Variants in PRKAG2 observed in about 807,000 individuals in gnomAD.
The protein encoded by PRKAG2 is protein kinase AMP-activated non-catalytic subunit gamma 2, also known as 5'-AMP-activated protein kinase subunit gamma-2.
PRKAG2 carries 26 observed loss-of-function variants against 69.6 expected under a neutral mutation model. The ratio of observed to expected loss-of-function variants is 0.37; its 90% CI spans 0.27 to 0.52. PRKAG2 has a LOEUF of 0.52. Among genes scored for constraint, PRKAG2 ranks in the 20% least tolerant of loss-of-function variants. The pLI is 0.90. For synonymous variants in PRKAG2, 293 were observed against 285.0 expected (o/e 1.03, Z -0.28); for missense variants, 557 against 740.0 (o/e 0.75, Z 2.87).
chr7:151,594,513 G>C (rs1432392697), intron 6 of PRKAG2, among the ~76,000 whole-genome samples: 1 of 152,180 alleles, frequency 6.6e-6, no homozygotes, highest in Non-Finnish European at 1.5e-5. Flanking sequence ...ATACCAAAAT[G>C]TTAAGATTCA....
chr7:151,721,290 G>C (rs1481750306), intron 3 of PRKAG2, among the ~76,000 whole-genome samples: 1 of 152,148 alleles, frequency 6.6e-6, no homozygotes, highest in African/African-American at 2.4e-5. Flanking sequence ...GCCCCTTCCT[G>C]CTTCCTCTGC....
intron 1 of PRKAG2, among the ~76,000 whole-genome samples, chr7:151,856,915 A>T (rs1453177044): frequency 6.6e-6 from 1 of 152,144 alleles, no homozygotes; most frequent in Non-Finnish European, 1.5e-5. Flanking sequence ...CGGAGAGAAA[A>T]CGGAGCAGAG....
At position 151,820,551 on chromosome 7, in the gene PRKAG2, C is replaced by T. The variant is rs1438854169; in HGVS notation, c.115-34010G>A. On this transcript the variant is annotated intron_variant, in intron 1 of 15. Transcript: ENST00000287878. ...GCACACTCTACTCGGAACACCGCTC[C>T]GTGGCCTGGCCCCTGTGGCTTCTGC... is the stretch of plus-strand genomic sequence containing the variant. Among the ~76,000 whole-genome samples, 14 of 77,238 alleles carry T rather than the reference C, an allele frequency of 1.8e-4. 1 individual carries two copies. Among genetic ancestry groups the T allele is most frequent in the African/African-American group, 5.1e-4 (10 of 19,508 alleles). The allele number at this position is 77,238 out of a possible 152,430, so 50.7% of individuals were successfully genotyped here.
At chr7:151,634,953 T>C (rs1233319895) in intron 4 of PRKAG2, among the ~76,000 whole-genome samples, 4 of 144,380 alleles carry the variant, frequency 2.8e-5, no homozygotes, top group South Asian at 2.1e-4. Flanking sequence ...TTTTTTTTTT[T>C]TTTCTTTTTT....
intron 4 of PRKAG2, among the ~76,000 whole-genome samples, chr7:151,664,747 A>G (rs1439597128): frequency 2.6e-5 from 4 of 152,222 alleles, no homozygotes; most frequent in South Asian, 2.1e-4. Flanking sequence ...TAGAGGTGCT[A>G]TATGTAGGTT....
intron 1 of PRKAG2, among the ~76,000 whole-genome samples, chr7:151,833,620 C>A (rs539957266): frequency 6.6e-6 from 1 of 152,300 alleles, no homozygotes; most frequent in Non-Finnish European, 1.5e-5. Flanking sequence ...GTCCCCAGCC[C>A]CAGCACCAGC....
rs1487573058 is a variant in PRKAG2 at position 151,836,653 on chromosome 7, G to A, written c.114+39854C>T. On this transcript the variant is annotated intron_variant, in intron 1 of 15. Coordinates refer to ENST00000287878, the MANE Select transcript of PRKAG2 (RefSeq NM_016203.4). This position sits in a 1 kb window ranked among gnomAD's most constrained non-coding sequence, Gnocchi z 4.1. ...TGTGCCTCTGGCCTCCTGTCTGGGT[G>A]CAGCCTTAGCGGGGCACAGGAGGGC... Among the ~76,000 whole-genome samples, 1 of 152,204 alleles carries A rather than the reference G, an allele frequency of 6.6e-6. No individual in the cohort carries two copies. The highest frequency in any genetic ancestry group is 1.5e-5 in the Non-Finnish European group (1 of 68,036).
Position 151,781,496 on chromosome 7 carries a change from T to G in PRKAG2, c.187-65A>C, listed in dbSNP as rs936373749. ...TCTGGACACGCTGCCTCCTGCCCTG[T>G]ATGAAACTTATCATTGTCCTCTCTC... On this transcript the variant is annotated intron_variant, in intron 2 of 15. Transcript: ENST00000287878. The surrounding 1 kb of genome is among the most constrained non-coding windows in gnomAD (Gnocchi z 6.1). The G allele has an allele frequency of 6.5e-7, 1 of 1,529,156 alleles. No individual in the cohort carries two copies. The highest frequency in any genetic ancestry group is 1.4e-5 in the African/African-American group (1 of 72,858). The allele number at this position is 1,529,156 out of a possible 1,614,324, so 94.7% of individuals were successfully genotyped here.
chr7:151,860,556 G>A (rs1316685330), intron 1 of PRKAG2, among the ~76,000 whole-genome samples: 2 of 152,078 alleles, frequency 1.3e-5, no homozygotes, highest in African/African-American at 2.4e-5. Context: ...GAGAGAGCAC[G>A]GCCCCCAGCT....
chr7:151,796,373 T>C (rs1436781869), intron 1 of PRKAG2, among the ~76,000 whole-genome samples: 1 of 152,186 alleles, frequency 6.6e-6, no homozygotes, highest in African/African-American at 2.4e-5. Context: ...GAAGGGCCGT[T>C]GTCCTGGCAG....
chr7:151,694,462 C>T (rs1836249542), intron 3 of PRKAG2, among the ~76,000 whole-genome samples: 1 of 152,134 alleles, frequency 6.6e-6, no homozygotes, highest in Admixed American at 6.5e-5. Flanking sequence ...TTCTCCCCAC[C>T]TGCAACCCCT....
chr7:151,713,933 T>C (rs1295664399), intron 3 of PRKAG2, among the ~76,000 whole-genome samples: 4 of 152,154 alleles, frequency 2.6e-5, no homozygotes, highest in African/African-American at 7.2e-5. Flanking sequence ...ACAAGTCTTA[T>C]GAAAAATGCA....
chr7:151,778,028 T>TA (rs1458899370), intron 3 of PRKAG2, among the ~76,000 whole-genome samples: 1 of 152,152 alleles, frequency 6.6e-6, no homozygotes, highest in African/African-American at 2.4e-5. Flanking sequence ...GATAATTTTT[T>TA]AGACTTGAAT....
chr7:151,565,684 C>T (rs767593398), intron 12 of PRKAG2, 36 bp downstream of exon 12: 101 of 1,594,660 alleles, frequency 6.3e-5, no homozygotes, highest in Non-Finnish European at 8.4e-5. Context: ...CTGAGATAAA[C>T]AATTATTTCT....
intron 6 of PRKAG2, among the ~76,000 whole-genome samples, chr7:151,589,075 A>C (rs1225250275): frequency 6.6e-6 from 1 of 152,076 alleles, no homozygotes. Flanking sequence ...ACAATACAGG[A>C]GTCTAGGGAG....
chr7:151,636,865 C>T (rs1010330075), intron 4 of PRKAG2, among the ~76,000 whole-genome samples: 10 of 152,020 alleles, frequency 6.6e-5, no homozygotes, highest in African/African-American at 4.8e-5. Flanking sequence ...CAACCATGCT[C>T]GGCTAATTTT....
chr7:151,565,608 A>G, intron 12 of PRKAG2, 112 bp downstream of exon 12: 1 of 1,441,792 alleles, frequency 6.9e-7, no homozygotes. Flanking sequence ...GAATTTATTC[A>G]CCATACCCAA....
chr7:151,874,357 G>A (rs865808725), intron 1 of PRKAG2, among the ~76,000 whole-genome samples: 7 of 85,788 alleles, frequency 8.2e-5, no homozygotes, highest in South Asian at 6.2e-4. Context: ...TGTATATGAT[G>A]TATATGTATA....
chr7:151,716,140 G>A (rs1372792750), intron 3 of PRKAG2, among the ~76,000 whole-genome samples: 1 of 152,136 alleles, frequency 6.6e-6, no homozygotes, highest in Non-Finnish European at 1.5e-5. Context: ...CCTAATACAA[G>A]TTTAAGAAGT....
Sources: allele counts gnomAD v4.1 joint callset (sites outside exome capture counted in the v4.1 genomes callset), GRCh38; gene constraint gnomAD v4.1.1; non-coding constraint Gnocchi (gnomAD v3.1); transcripts MANE v1.5; gene names NCBI Gene and HGNC (gene_info 2026-07-23, HGNC 2026-07-21).